The following CAP2 variants were observed in gnomAD, a reference collection of about 807,000 sequenced individuals.
The protein encoded by CAP2 is adenylyl cyclase-associated protein 2.
In CAP2, 24 loss-of-function variants were observed where a neutral mutation model predicts 57.7. The ratio of observed to expected loss-of-function variants is 0.42; its 90% CI spans 0.30 to 0.58. The LOEUF is 0.58. CAP2 is among the 20% of genes least tolerant of loss of function. The pLI is 0.22. For synonymous variants in CAP2, 194 were observed against 207.2 expected, an observed-to-expected ratio of 0.94 and a Z score of 0.55; for missense variants, 501 against 590.3, an observed-to-expected ratio of 0.85 and a Z score of 1.57.
intron 4 of CAP2, among the ~76,000 whole-genome samples, chr6:17,506,465 C>T (rs1286399777): frequency 6.6e-6 from 1 of 152,006 alleles, no homozygotes; most frequent in Non-Finnish European, 1.5e-5. Context: ...CCAACCTGGC[C>T]AACCCCACCT....
intron 1 of CAP2, among the ~76,000 whole-genome samples, chr6:17,399,430 C>T (rs1758754276): frequency 6.6e-6 from 1 of 152,128 alleles, no homozygotes; most frequent in Non-Finnish European, 1.5e-5. Context: ...ACACTTTTCC[C>T]ACTTTAGGAA....
chr6:17,441,945 AC>A (rs1760090955), intron 3 of CAP2, among the ~76,000 whole-genome samples: 1 of 152,278 alleles, frequency 6.6e-6, no homozygotes, highest in East Asian at 1.9e-4. Flanking sequence ...TAAAAAAAAA[AC>A]AGCAACAATA....
At position 17,503,803 on chromosome 6, in the gene CAP2, CA is replaced by C. The variant is rs200192441; in HGVS notation, c.301-3365del. ...TGAATTTGGTTGGGGGGCAGGTGCACAGAGTGCAGTCCCTAACAACTCTGAT... is the reference window on the plus strand; with the variant it reads ...TGAATTTGGTTGGGGGGCAGGTGCACGAGTGCAGTCCCTAACAACTCTGAT... On this transcript the variant is annotated intron_variant, in intron 4 of 12. Transcript: ENST00000229922. 6.6e-5 allele frequency among the ~76,000 whole-genome samples: 10 copies of C among 152,228 alleles called. No individual in the cohort carries two copies. The East Asian group carries it at 1.7e-3, about 26-fold the overall frequency.
chr6:17,415,140 A>G (rs1759241382), intron 1 of CAP2, among the ~76,000 whole-genome samples: 1 of 152,246 alleles, frequency 6.6e-6, no homozygotes, highest in Non-Finnish European at 1.5e-5. Context: ...GAATTGGAAG[A>G]GAAACACTCA....
chr6:17,502,521 T>A (rs998532936), intron 4 of CAP2, among the ~76,000 whole-genome samples: 13 of 152,260 alleles, frequency 8.5e-5, no homozygotes, highest in African/African-American at 3.1e-4. Flanking sequence ...CTTTTTTTTT[T>A]AATGATGACA....
At chr6:17,430,330 C>A (rs1759694906) in intron 3 of CAP2, among the ~76,000 whole-genome samples, 1 of 152,226 alleles carries the variant, frequency 6.6e-6, no homozygotes, top group Admixed American at 6.5e-5. Context: ...AACTACTCTT[C>A]AACCCAAGAA....
intron 9 of CAP2, among the ~76,000 whole-genome samples, chr6:17,541,931 A>G (rs1293820421): frequency 6.6e-6 from 1 of 152,144 alleles, no homozygotes; most frequent in Non-Finnish European, 1.5e-5. Context: ...TGGTGGTAAA[A>G]TAGACGTAGC....
intron 1 of CAP2, among the ~76,000 whole-genome samples, chr6:17,394,892 A>C (rs970928): frequency 0.25 from 38,018 of 152,196 alleles, 4,958 homozygotes; most frequent in South Asian, 0.35. Context: ...CACAGCATGT[A>C]ATGGATAGAC....
chr6:17,438,084 C>T (rs1354480890), intron 3 of CAP2, among the ~76,000 whole-genome samples: 3 of 146,826 alleles, frequency 2.0e-5, no homozygotes, highest in African/African-American at 5.4e-5. Context: ...TATAACATTG[C>T]TGGCCAGGCG....
chr6:17,434,068 G>A (rs978115482), intron 3 of CAP2, among the ~76,000 whole-genome samples: 4 of 152,080 alleles, frequency 2.6e-5, no homozygotes, highest in African/African-American at 9.7e-5. Context: ...CTGAAACAAC[G>A]AGTCAGATTC....
At chr6:17,543,492 G>T (rs767989660) in intron 11 of CAP2, among the ~76,000 whole-genome samples, 1 of 151,834 alleles carries the variant, frequency 6.6e-6, no homozygotes, top group Non-Finnish European at 1.5e-5. Flanking sequence ...ATGGTGGCAG[G>T]CGCCTGTAGT....
intron 4 of CAP2, among the ~76,000 whole-genome samples, chr6:17,474,446 C>G (rs1296887538): frequency 6.6e-6 from 1 of 152,092 alleles, no homozygotes; most frequent in African/African-American, 2.4e-5. Flanking sequence ...TTTGTCAGGC[C>G]TTGTTCATCT....
At chr6:17,514,713 C>T (rs972458102) in intron 7 of CAP2, among the ~76,000 whole-genome samples, 2 of 152,090 alleles carry the variant, frequency 1.3e-5, no homozygotes, top group Non-Finnish European at 2.9e-5. Context: ...CGTGCCACTG[C>T]ACTCCAGCCT....
intron 4 of CAP2, among the ~76,000 whole-genome samples, chr6:17,504,002 C>G (rs908127075): frequency 3.3e-5 from 5 of 152,190 alleles, no homozygotes; most frequent in Non-Finnish European, 5.9e-5. Context: ...CCACTGGGAA[C>G]CTTGAGAGCA....
At position 17,514,685 on chromosome 6, in the gene CAP2, G is replaced by A. The variant is rs145654314; in HGVS notation, c.636+731G>A. On this transcript the variant is annotated intron_variant, in intron 7 of 12. Transcript: ENST00000229922. ...GAATCACTTAACTCGGGAGGCAGAC[G>A]TTGCAGTGAGCTTAGATCGTGCCAC... Among the ~76,000 whole-genome samples the A allele has an allele frequency of 3.4e-4, 51 of 152,168 alleles. No individual in the cohort carries two copies. The East Asian group carries it at 4.7e-3, about 14-fold the overall frequency.
intron 1 of CAP2, among the ~76,000 whole-genome samples, chr6:17,401,188 C>T (rs981005601): frequency 1.3e-5 from 2 of 152,140 alleles, no homozygotes; most frequent in African/African-American, 4.8e-5. Flanking sequence ...GTGAATAGGT[C>T]ATGGGGTAGA....
intron 7 of CAP2, chr6:17,530,935 T>C (rs1762624370): frequency 1.9e-6 from 3 of 1,541,172 alleles, no homozygotes; most frequent in Admixed American, 3.3e-5. Context: ...TGGTCCTCCC[T>C]GTTGCCAGCA....
chr6:17,474,248 A>G (rs927250921), intron 4 of CAP2, among the ~76,000 whole-genome samples: 6 of 119,268 alleles, frequency 5.0e-5, no homozygotes, highest in Non-Finnish European at 4.8e-5. Context: ...GTGCAGCTTC[A>G]TGCTTAAGTT....
At position 17,539,430 on chromosome 6, in the gene CAP2, A is replaced by C. The variant is rs759961909; in HGVS notation, c.798A>C (p.Gln266His). Residue 266 changes from glutamine (Q) to histidine (H), a missense_variant, in exon 8 of 13, where the codon CAA (glutamine) becomes CAC (histidine). Coordinates refer to ENST00000229922, the MANE Select transcript of CAP2 (RefSeq NM_006366.3). ...CTTCACGCTCAGCTTTATTTGCCCA[A>C]CTTAACCAGGGAGAAGCAATTACAA... is the stretch of plus-strand genomic sequence containing the variant. ...SSPSRSALFA[Q>H]LNQGEAITKG... The C allele has an allele frequency of 1.2e-6, 2 of 1,614,136 alleles. No individual in the cohort carries two copies. The highest frequency in any genetic ancestry group is 2.2e-5 in the East Asian group (1 of 44,874).
Sources: allele counts gnomAD v4.1 joint callset (sites outside exome capture counted in the v4.1 genomes callset), GRCh38; gene constraint gnomAD v4.1.1; transcripts MANE v1.5; gene names NCBI Gene and HGNC (gene_info 2026-07-23, HGNC 2026-07-21).